The following IPO5 variants were observed in gnomAD, a reference collection of about 807,000 sequenced individuals.
The protein encoded by IPO5 is importin 5.
A neutral mutation model predicts 143.3 loss-of-function variants in IPO5; 18 were observed. The observed-to-expected ratio is 0.13, with a 90% CI of 0.09 to 0.19. The LOEUF is 0.19. Among genes scored for constraint, IPO5 ranks in the 10% least tolerant of loss-of-function variants. The pLI is 1.00. For synonymous variants in IPO5, 477 were observed against 465.7 expected, an observed-to-expected ratio of 1.02 and a Z score of -0.31; for missense variants, 1,013 against 1,336.9, an observed-to-expected ratio of 0.76 and a Z score of 3.78.
Position 98,021,005 on chromosome 13 carries a change from G to T in IPO5, c.3079G>T (p.Val1027Phe). The change falls in exon 28 of 29, where the codon GTT (valine) becomes TTT (phenylalanine). Residue 1027 changes from valine to phenylalanine, a missense_variant. By Grantham distance (50) the Val-to-Phe change is conservative. Transcript: ENST00000651721. ...CTCATTTGTCAGTAATCATCCAATT[G>T]TTCTTGGCCCAAACAATACCAATCT... ...CDLIESNHPI[V>F]LGPNNTNLPK... 6.2e-7 allele frequency: 1 copy of T among 1,608,118 alleles called. No homozygotes were observed.
chr13:97,979,377 C>T (rs1028220323), intron 4 of IPO5, among the ~76,000 whole-genome samples: 5 of 152,020 alleles, frequency 3.3e-5, no homozygotes, highest in Middle Eastern at 3.2e-3. Context: ...CTTTTTTCGT[C>T]GTATATGCCA....
At chr13:97,961,905 G>C (rs1307440347) in intron 2 of IPO5, among the ~76,000 whole-genome samples, 1 of 152,082 alleles carries the variant, frequency 6.6e-6, no homozygotes. Flanking sequence ...AAAGTGAGTG[G>C]ATCACTTGAG....
rs1302597768 is a variant in IPO5 at position 98,002,776 on chromosome 13, A to G, written c.1323+3A>G. 1.2e-6 allele frequency: 2 copies of G among 1,607,712 alleles called. No homozygotes were observed. The highest frequency in any genetic ancestry group is 1.7e-6 in the Non-Finnish European group (2 of 1,177,352). On this transcript the variant is annotated splice_donor_region_variant and intron_variant, in intron 15 of 28. Coordinates refer to ENST00000651721, the MANE Select transcript of IPO5 (RefSeq NM_002271.6). ...TCCAAAAGAAATTTCATGAGAAGGTAAGTAACAAGTCCTCAAACACTTAAA... is the reference window on the plus strand; with the variant it reads ...TCCAAAAGAAATTTCATGAGAAGGTGAGTAACAAGTCCTCAAACACTTAAA...
Position 97,969,815 on chromosome 13 carries a change from C to G in IPO5, c.-20C>G, listed in dbSNP as rs1224734171. ...GATCAAGTTGGAAAACTAGAAGCAACAGAAAACACAATAAGGTAACTGATT... is the reference window on the plus strand; with the variant it reads ...GATCAAGTTGGAAAACTAGAAGCAAGAGAAAACACAATAAGGTAACTGATT... On this transcript the variant is annotated 5_prime_UTR_variant, in exon 3 of 29. Transcript: ENST00000651721. 6.2e-7 allele frequency: 1 copy of G among 1,611,644 alleles called. No individual in the cohort carries two copies. Among genetic ancestry groups the G allele is most frequent in the Non-Finnish European group, 8.5e-7 (1 of 1,178,330 alleles).
At chr13:98,016,612 A>G (rs553142669) in intron 24 of IPO5, 117 bp from the exon 25 acceptor site, 1 of 558,638 alleles carries the variant, frequency 1.8e-6, no homozygotes, top group Non-Finnish European at 2.9e-6. Flanking sequence ...TTTACCCTTA[A>G]AACAGGAATG....
chr13:98,001,572 G>A (rs1483757818), intron 13 of IPO5: 1 of 152,370 alleles, frequency 6.6e-6, no homozygotes, highest in Non-Finnish European at 1.5e-5. Context: ...TCACCTCCCA[G>A]TTTCAAGCAA....
intron 21 of IPO5, among the ~76,000 whole-genome samples, chr13:98,013,816 A>G (rs970041136): frequency 3.3e-5 from 5 of 152,164 alleles, no homozygotes; most frequent in African/African-American, 1.2e-4. Flanking sequence ...ACATTTGAGC[A>G]ATAGGCAGCC....
At chr13:97,963,542 T>C (rs1372104119) in intron 2 of IPO5, among the ~76,000 whole-genome samples, 1 of 151,898 alleles carries the variant, frequency 6.6e-6, no homozygotes, top group Non-Finnish European at 1.5e-5. Context: ...GCTAATTTTT[T>C]GTATTTTAGT....
intron 2 of IPO5, among the ~76,000 whole-genome samples, chr13:97,954,856 C>T (rs1237114658): frequency 2.0e-5 from 3 of 152,162 alleles, no homozygotes; most frequent in South Asian, 2.1e-4. Context: ...AACTAGTATG[C>T]GAGACAGATT....
intron 2 of IPO5, among the ~76,000 whole-genome samples, chr13:97,956,721 C>T (rs557123007): frequency 6.6e-6 from 1 of 152,284 alleles, no homozygotes; most frequent in African/African-American, 2.4e-5. Context: ...CCCTTATCCT[C>T]AATCTCACAG....
rs527809908 is a variant in IPO5 at position 97,973,845 on chromosome 13, G to A, written c.-4-2848G>A. On this transcript the variant is annotated intron_variant, in intron 3 of 28. Transcript: ENST00000651721. ...AGCACTTTGGGAGGCCAAAGTGGGA[G>A]GATCGCCCGAACTCAGGAGTTTGAG... Among the ~76,000 whole-genome samples, 6 of 152,300 alleles carry A rather than the reference G, an allele frequency of 3.9e-5. No individual in the cohort carries two copies. In the East Asian group the frequency reaches 9.7e-4, roughly 25 times the overall value.
intron 11 of IPO5, among the ~76,000 whole-genome samples, chr13:97,995,622 G>A (rs1301177770): frequency 6.6e-6 from 1 of 152,046 alleles, no homozygotes; most frequent in African/African-American, 2.4e-5. Flanking sequence ...CGGGCGTGGT[G>A]GCGGGCGCCT....
At chr13:97,988,000 A>G in intron 6 of IPO5, 1 of 310,234 alleles carries the variant, frequency 3.2e-6, no homozygotes, top group Non-Finnish European at 7.1e-6. Flanking sequence ...CATCATCTTT[A>G]GGTTGAAGAA....
At chr13:98,014,370 T>C (rs1889950400) in intron 22 of IPO5, among the ~76,000 whole-genome samples, 156 bp downstream of exon 22, 1 of 152,080 alleles carries the variant, frequency 6.6e-6, no homozygotes, top group Admixed American at 6.6e-5. Context: ...CTCCACCTCC[T>C]GGGTTCAAGC....
intron 13 of IPO5, 68 bp downstream of exon 13, chr13:98,000,713 A>G (rs1481614040): frequency 2.1e-6 from 2 of 971,160 alleles, no homozygotes; most frequent in Non-Finnish European, 3.3e-6. Context: ...ATTCTAAGAT[A>G]TGTTTAGACT....
chr13:97,985,616 G>C lies in IPO5; in HGVS notation c.364+3G>C, dbSNP rs538664582. ...AGAACTGGCCAGGAATTTAATAGGT[G>C]TGTATGCAGGTGCACTCATGTTACC... On this transcript the variant is annotated splice_donor_region_variant and intron_variant, in intron 6 of 28. Coordinates refer to ENST00000651721, the MANE Select transcript of IPO5 (RefSeq NM_002271.6). 11 of 1,604,728 alleles carry C rather than the reference G, an allele frequency of 6.9e-6. No individual in the cohort carries two copies. Among genetic ancestry groups the C allele is most frequent in the Non-Finnish European group, 9.4e-6 (11 of 1,172,834 alleles).
Position 97,976,599 on chromosome 13 carries a change from G to T in IPO5, c.-4-94G>T, listed in dbSNP as rs1024050738. The T allele has an allele frequency of 2.6e-5, 7 of 273,868 alleles. No homozygotes were observed. In the Admixed American group the frequency reaches 3.2e-4, roughly 13 times the overall value. 17.0% of individuals were successfully genotyped at this position (273,868 alleles called of 1,614,324 possible). On this transcript the variant is annotated intron_variant, in intron 3 of 28. Transcript: ENST00000651721. ...CAAGCCCCGCGCCGCCGCTGGTGCC[G>T]GTCCCCGCGCTGGGCCCGCCCCCGC...
chr13:97,975,926 G>A, intron 3 of IPO5: 1 of 985,656 alleles, frequency 1.0e-6, no homozygotes, highest in Non-Finnish European at 1.2e-6. Context: ...GCGACGGGAG[G>A]AAGGGGCGCC....
intron 18 of IPO5, among the ~76,000 whole-genome samples, chr13:98,008,361 G>C (rs1889436072): frequency 6.6e-6 from 1 of 152,108 alleles, no homozygotes; most frequent in African/African-American, 2.4e-5. Context: ...TCAAGTTTTG[G>C]TGTTTGTGGG....
Sources: allele counts gnomAD v4.1 joint callset (sites outside exome capture counted in the v4.1 genomes callset), GRCh38; gene constraint gnomAD v4.1.1; transcripts MANE v1.5; gene names NCBI Gene and HGNC (gene_info 2026-07-23, HGNC 2026-07-21).